The following GRM7 variants were observed in gnomAD, a reference collection of about 807,000 sequenced individuals.
The protein encoded by GRM7 is glutamate metabotropic receptor 7.
A neutral mutation model predicts 84.5 loss-of-function variants in GRM7; 35 were observed. That is an observed-to-expected ratio of 0.41 (90% CI 0.32 to 0.55). The LOEUF is 0.55. GRM7 is among the 20% of genes least tolerant of loss of function. The pLI, the probability that GRM7 is intolerant of heterozygous loss-of-function variation, is 0.19. For missense variants in GRM7, 1,003 were observed against 1,194.6 expected (o/e 0.84, Z 2.36); for synonymous variants, 487 against 455.1 (o/e 1.07, Z -0.89).
chr3:7,276,414 G>A (rs952878459), intron 2 of GRM7, among the ~76,000 whole-genome samples: 14 of 151,498 alleles, frequency 9.2e-5, no homozygotes, highest in African/African-American at 3.4e-4. Context: ...AATATGCAGC[G>A]GCCACTTAAA....
chr3:7,297,704 T>G (rs1699859377), intron 2 of GRM7, among the ~76,000 whole-genome samples: 1 of 152,212 alleles, frequency 6.6e-6, no homozygotes, highest in African/African-American at 2.4e-5. Flanking sequence ...GCTTGTTGAT[T>G]ACAAATATCT....
At chr3:7,693,026 CA>C (rs1655795494) in intron 9 of GRM7, among the ~76,000 whole-genome samples, 1 of 148,500 alleles carries the variant, frequency 6.7e-6, no homozygotes, top group Admixed American at 6.7e-5. Context: ...GATATAATTT[CA>C]CTTCCTCTTG....
intron 1 of GRM7, among the ~76,000 whole-genome samples, chr3:6,989,053 A>G (rs1344899434): frequency 6.6e-6 from 1 of 152,232 alleles, no homozygotes; most frequent in Non-Finnish European, 1.5e-5. Context: ...CAGCATAAAA[A>G]TGTGCCATCA....
intron 7 of GRM7, among the ~76,000 whole-genome samples, chr3:7,464,953 G>A (rs1575377913): frequency 6.6e-6 from 1 of 152,038 alleles, no homozygotes; most frequent in Admixed American, 6.6e-5. Flanking sequence ...CCGAGATCAT[G>A]CCACTGCACT....
intron 9 of GRM7, among the ~76,000 whole-genome samples, chr3:7,687,750 C>T (rs544899823): frequency 7.2e-5 from 11 of 152,110 alleles, no homozygotes; most frequent in South Asian, 4.2e-4. Flanking sequence ...AATAGTATTC[C>T]GAATATAAAT....
intron 8 of GRM7, chr3:7,607,345 C>T (rs1206980633): frequency 2.0e-5 from 3 of 152,130 alleles, no homozygotes; most frequent in Non-Finnish European, 2.9e-5. Context: ...CTGACATTTA[C>T]AACCTAGAAG....
chr3:7,100,391 A>T (rs1699068775), intron 1 of GRM7, among the ~76,000 whole-genome samples: 1 of 151,810 alleles, frequency 6.6e-6, no homozygotes. Context: ...GCTCCCCAAG[A>T]GGCTAACTTA....
chr3:7,004,980 C>A (rs757376707), intron 1 of GRM7, among the ~76,000 whole-genome samples: 1 of 152,154 alleles, frequency 6.6e-6, no homozygotes, highest in Non-Finnish European at 1.5e-5. Context: ...AGTGTCATTG[C>A]CAGGCACAGC....
intron 4 of GRM7, among the ~76,000 whole-genome samples, chr3:7,373,598 G>T (rs964401668): frequency 6.6e-6 from 1 of 152,144 alleles, no homozygotes; most frequent in Admixed American, 6.6e-5. Flanking sequence ...CTTGTTTTAA[G>T]GTGGAACTTT....
intron 4 of GRM7, among the ~76,000 whole-genome samples, chr3:7,364,015 A>G (rs1693775332): frequency 6.6e-6 from 1 of 152,034 alleles, no homozygotes; most frequent in African/African-American, 2.4e-5. Context: ...GGTGCTATGT[A>G]TATTATGGGT....
chr3:6,862,334 C>A lies in GRM7; in HGVS notation c.519+427C>A, dbSNP rs1033593051. ...GGCATTTCCCAACTCCCCAGCTTCC[C>A]ACCCCCAAGCCAGCCTGCCAACCTG... On this transcript the variant is annotated intron_variant, in intron 1 of 9. Coordinates refer to ENST00000357716, the MANE Select transcript of GRM7 (RefSeq NM_000844.4). This position sits in a 1 kb window ranked among gnomAD's most constrained non-coding sequence, Gnocchi z 5.2. Among the ~76,000 whole-genome samples the A allele has an allele frequency of 6.6e-6, 1 of 152,016 alleles. No individual in the cohort carries two copies. The highest frequency in any genetic ancestry group is 6.5e-5 in the Admixed American group (1 of 15,272).
chr3:7,339,690 G>A (rs1261189191), intron 4 of GRM7, among the ~76,000 whole-genome samples: 1 of 151,348 alleles, frequency 6.6e-6, no homozygotes, highest in African/African-American at 2.5e-5. Context: ...CTTCTTCATG[G>A]CAAGGAACAA....
At chr3:6,904,297 G>A (rs887535097) in intron 1 of GRM7, among the ~76,000 whole-genome samples, 2 of 152,024 alleles carry the variant, frequency 1.3e-5, no homozygotes, top group South Asian at 4.1e-4. Context: ...CAGACACTGT[G>A]CAGGATTGTA....
At position 6,862,884 on chromosome 3, in the gene GRM7, G is replaced by A. The variant is rs1477105091; in HGVS notation, c.519+977G>A. 7.3e-6 allele frequency: 3 copies of A among 411,150 alleles called. No homozygotes were observed. Among genetic ancestry groups the A allele is most frequent in the Non-Finnish European group, 9.8e-6 (2 of 203,826 alleles). 25.5% of individuals were successfully genotyped at this position (411,150 alleles called of 1,614,324 possible). On this transcript the variant is annotated intron_variant, in intron 1 of 9. Transcript: ENST00000357716. The surrounding 1 kb of genome is among the most constrained non-coding windows in gnomAD (Gnocchi z 5.2). ...TCCTCCTGCTCCGGTGCCGGAGGGA[G>A]ACGGAGAAAAAATGGGAGGAAGGCG...
intron 9 of GRM7, among the ~76,000 whole-genome samples, chr3:7,702,252 C>T (rs1701252939): frequency 6.6e-6 from 1 of 152,188 alleles, no homozygotes; most frequent in African/African-American, 2.4e-5. Flanking sequence ...CATACCATCA[C>T]CCAAGAATCT....
At chr3:7,491,229 A>T (rs1334568726) in intron 7 of GRM7, among the ~76,000 whole-genome samples, 1 of 151,984 alleles carries the variant, frequency 6.6e-6, no homozygotes, top group Non-Finnish European at 1.5e-5. Context: ...ATGAGCAAAA[A>T]TTTTTACAAA....
intron 1 of GRM7, among the ~76,000 whole-genome samples, chr3:7,078,476 T>G (rs1370712675): frequency 6.6e-6 from 1 of 152,206 alleles, no homozygotes; most frequent in Non-Finnish European, 1.5e-5. Context: ...ATTGAGATGC[T>G]GCCCTCAAAG....
At chr3:7,267,304 G>T (rs1442639115) in intron 2 of GRM7, among the ~76,000 whole-genome samples, 1 of 152,166 alleles carries the variant, frequency 6.6e-6, no homozygotes. Context: ...TGTGAACAAG[G>T]ATCTCCAATA....
At chr3:7,423,954 T>C (rs1696502152) in intron 5 of GRM7, among the ~76,000 whole-genome samples, 1 of 152,126 alleles carries the variant, frequency 6.6e-6, no homozygotes, top group African/African-American at 2.4e-5. Context: ...AAGTACAGCC[T>C]CACTGCTGTA....
Sources: allele counts gnomAD v4.1 joint callset (sites outside exome capture counted in the v4.1 genomes callset), GRCh38; gene constraint gnomAD v4.1.1; non-coding constraint Gnocchi (gnomAD v3.1); transcripts MANE v1.5; gene names NCBI Gene and HGNC (gene_info 2026-07-23, HGNC 2026-07-21).